The following PTPN7 variants were observed in gnomAD, a reference collection of about 807,000 sequenced individuals.
PTPN7 encodes the protein tyrosine-protein phosphatase non-receptor type 7.
In PTPN7, 33 loss-of-function variants were observed where a neutral mutation model predicts 50.3. That is an observed-to-expected ratio of 0.66 (90% CI 0.50 to 0.88). PTPN7 has a LOEUF of 0.88. PTPN7 is among the 40% of genes least tolerant of loss of function. The probability of loss-of-function intolerance (pLI) is 0.00; values close to 1 mark genes in which losing one functional copy is unlikely to be tolerated. For synonymous variants in PTPN7, 185 were observed against 186.6 expected, an observed-to-expected ratio of 0.99 and a Z score of 0.07; for missense variants, 412 against 475.4, an observed-to-expected ratio of 0.87 and a Z score of 1.24.
chr1:202,153,579 C>T (rs757107203), intron 7 of PTPN7, 146 bp downstream of exon 7: 115 of 655,004 alleles, frequency 1.8e-4, no homozygotes, highest in Non-Finnish European at 2.8e-4. Context: ...GAGGACAGTG[C>T]TCAAGTTTCT....
intron 7 of PTPN7, 65 bp downstream of exon 7, chr1:202,153,660 C>T (rs1053661313): frequency 1.1e-5 from 15 of 1,334,798 alleles, no homozygotes; most frequent in Non-Finnish European, 1.6e-5. Context: ...AAGAGCCAGC[C>T]TGAGTCCCAG....
In PTPN7 at chr1:202,148,431, C is replaced by T; in HGVS notation, c.*175G>A. 1 of 543,150 alleles carries T rather than the reference C, an allele frequency of 1.8e-6. No homozygotes were observed. Among genetic ancestry groups the T allele is most frequent in the East Asian group, 3.0e-5 (1 of 33,148 alleles). The allele number at this position is 543,150 out of a possible 1,614,324, so 33.6% of individuals were successfully genotyped here. On this transcript the variant is annotated 3_prime_UTR_variant, in exon 10 of 10. Coordinates refer to ENST00000691036, the MANE Select transcript of PTPN7 (RefSeq NM_002832.4). ...GTGGCCAGTGTTGAAGACCTGGAAT[C>T]CGGCCCCTTGTCCTTACTGCTGCTG...
rs150958141 is a variant in PTPN7, at chr1:202,153,521, C to T, written c.717+204G>A. On this transcript the variant is annotated intron_variant, in intron 7 of 9. Coordinates refer to ENST00000691036, the MANE Select transcript of PTPN7 (RefSeq NM_002832.4). ...TTTACACAGATGGGTGAGTACTTCC[C>T]GGTAGTCCTATTTGGCTTATTGGCT... is the stretch of plus-strand genomic sequence containing the variant. Among the ~76,000 whole-genome samples, 8 of 152,290 alleles carry T rather than the reference C, an allele frequency of 5.3e-5. No individual in the cohort carries two copies. The East Asian group carries it at 7.7e-4, about 15-fold the overall frequency.
intron 4 of PTPN7, among the ~76,000 whole-genome samples, 162 bp downstream of exon 4, chr1:202,157,577 C>T (rs1656815453): frequency 6.6e-6 from 1 of 151,992 alleles, no homozygotes; most frequent in Admixed American, 6.5e-5. Flanking sequence ...ATTATTATTG[C>T]TGCTGTTGTG....
chr1:202,150,252 CCA>C, intron 9 of PTPN7, 57 bp downstream of exon 9: 1 of 1,358,022 alleles, frequency 7.4e-7, no homozygotes, highest in Non-Finnish European at 1.0e-6. Context: ...ACTCTGGGGC[CCA>C]GAGGCACTGA....
chr1:202,156,176 G>C (rs1434708997), intron 4 of PTPN7, among the ~76,000 whole-genome samples: 4 of 152,176 alleles, frequency 2.6e-5, no homozygotes, highest in Non-Finnish European at 5.9e-5. Flanking sequence ...TAACTGAGTG[G>C]TGCTGTATAG....
rs1657188415 is a variant in PTPN7, at chr1:202,160,067, C to G, written c.-53+478G>C. 1.6e-5 allele frequency: 13 copies of G among 831,624 alleles called. No individual in the cohort carries two copies. The highest frequency in any genetic ancestry group is 1.9e-5 in the Non-Finnish European group (13 of 685,862). 51.5% of individuals were successfully genotyped at this position (831,624 alleles called of 1,614,324 possible). On this transcript the variant is annotated intron_variant, in intron 1 of 9. Coordinates refer to ENST00000691036, the MANE Select transcript of PTPN7 (RefSeq NM_002832.4). This position sits in a 1 kb window ranked among gnomAD's most constrained non-coding sequence, Gnocchi z 4.8. The stretch of plus-strand genomic sequence containing the variant: ...TCCTGCCCATCCCCCCGTCTCCCGC[C>G]TCTGTAACCGTCACAGGAAATGGCC...
chr1:202,157,531 A>C (rs1332369466), intron 4 of PTPN7, among the ~76,000 whole-genome samples: 1 of 151,122 alleles, frequency 6.6e-6, no homozygotes, highest in Non-Finnish European at 1.5e-5. Context: ...AAAAGGATTG[A>C]GAACAGGGCC....
Position 202,159,198 on chromosome 1 carries a change from A to G in PTPN7, c.122+83T>C. ...AGGGCCCTCTGGACCCTGCTGTCAG[A>G]GCTGGAGGGGCAGATGGAAGGAAGG... On this transcript the variant is annotated intron_variant, in intron 2 of 9. Transcript: ENST00000691036. This position sits in a 1 kb window ranked among gnomAD's most constrained non-coding sequence, Gnocchi z 4.6. 4 of 1,404,048 alleles carry G rather than the reference A, an allele frequency of 2.8e-6. No homozygotes were observed. The highest frequency in any genetic ancestry group is 4.0e-6 in the Non-Finnish European group (4 of 1,002,490). The allele number at this position is 1,404,048 out of a possible 1,614,324, so 87.0% of individuals were successfully genotyped here. A position where few individuals can be genotyped will look rare whatever the true frequency, so the allele number is the denominator to read the frequency against.
At chr1:202,154,582 A>G (rs1403891155) in intron 5 of PTPN7, among the ~76,000 whole-genome samples, 2 of 152,162 alleles carry the variant, frequency 1.3e-5, no homozygotes, top group African/African-American at 2.4e-5. Context: ...CCTCAGTGGT[A>G]TCATCTGTAA....
In PTPN7 at chr1:202,156,729, G is replaced by A. The variant is rs145378682; in HGVS notation, c.391+1010C>T. Among the ~76,000 whole-genome samples, 451 of 152,320 alleles carry A rather than the reference G, an allele frequency of 3.0e-3. 3 individuals carry two copies. The highest frequency in any genetic ancestry group is 0.01 in the African/African-American group (435 of 41,562). ...AATAGCACCTTGATCCGCCCATGCA[G>A]GCAGAGGACACTCCAGGAGGGTTAG... On this transcript the variant is annotated intron_variant, in intron 4 of 9. Transcript: ENST00000691036.
rs1170975931 is a variant in PTPN7 at position 202,150,291 on chromosome 1, G to T, written c.989+20C>A. The T allele has an allele frequency of 1.3e-6, 2 of 1,591,268 alleles. No individual in the cohort carries two copies. Among genetic ancestry groups the T allele is most frequent in the Non-Finnish European group, 1.7e-6 (2 of 1,164,338 alleles). ...GCCATCCGTTAACGTTGTTGGCCTT[G>T]TTTACACCCACAGACCCACCTGTCT... is the stretch of plus-strand genomic sequence containing the variant. On this transcript the variant is annotated intron_variant, in intron 9 of 9. Transcript: ENST00000691036.
At chr1:202,152,805 G>T (rs1479042951) in intron 7 of PTPN7, 106 bp from the exon 8 acceptor site, 8 of 1,323,546 alleles carry the variant, frequency 6.0e-6, no homozygotes, top group Non-Finnish European at 8.4e-6. Context: ...CCTGTGGGGG[G>T]GTCATCTACT....
At chr1:202,153,984 T>C in intron 6 of PTPN7, 149 bp from the exon 7 acceptor site, 1 of 982,958 alleles carries the variant, frequency 1.0e-6, no homozygotes, top group Non-Finnish European at 1.6e-6. Flanking sequence ...GCTTGATACC[T>C]GCAAGCAGAG....
intron 8 of PTPN7, among the ~76,000 whole-genome samples, chr1:202,151,100 G>C (rs115728097): frequency 0.013 from 1,978 of 152,108 alleles, 46 homozygotes; most frequent in African/African-American, 0.046. Context: ...TGTCCCCTAC[G>C]ACACCCCCTC....
intron 9 of PTPN7, 36 bp from the exon 10 acceptor site, chr1:202,148,735 G>T (rs1425889543): frequency 1.9e-6 from 3 of 1,586,420 alleles, no homozygotes; most frequent in Non-Finnish European, 1.7e-6. Flanking sequence ...GAGTGAAGGA[G>T]GGTCAGGGTG....
At chr1:202,152,329 T>C (rs1241738212) in intron 8 of PTPN7, among the ~76,000 whole-genome samples, 1 of 152,200 alleles carries the variant, frequency 6.6e-6, no homozygotes, top group Non-Finnish European at 1.5e-5. Context: ...ATCCCCTCTA[T>C]GGATGGGGCC....
In PTPN7 at chr1:202,152,597, C is replaced by G. The variant is rs373489328; in HGVS notation, c.820G>C (p.Val274Leu). 15 of 1,613,916 alleles carry G rather than the reference C, an allele frequency of 9.3e-6. No individual in the cohort carries two copies. Among genetic ancestry groups the G allele is most frequent in the Non-Finnish European group, 9.3e-6 (11 of 1,180,048 alleles). Residue 274 changes from valine to leucine, a missense_variant, in exon 8 of 10, where the codon GTG becomes CTG. Val to Leu is a conservative substitution (Grantham distance 32, BLOSUM62 1). Transcript: ENST00000691036. ...GCGGCTGTCTCCGGGCTCTCCTCCA[C>G]CTCTGCCACTAGGCGCAGCAGGGGC... ...AGPLLRLVAE[V>L]EESPETAAHP...
At chr1:202,157,369 C>G (rs1014145212) in intron 4 of PTPN7, among the ~76,000 whole-genome samples, 7 of 152,088 alleles carry the variant, frequency 4.6e-5, no homozygotes, top group African/African-American at 1.7e-4. Context: ...ATTAGCCACG[C>G]ATGGAGGCGC....
Sources: allele counts gnomAD v4.1 joint callset (sites outside exome capture counted in the v4.1 genomes callset), GRCh38; gene constraint gnomAD v4.1.1; non-coding constraint Gnocchi (gnomAD v3.1); transcripts MANE v1.5; gene names NCBI Gene and HGNC (gene_info 2026-07-23, HGNC 2026-07-21).